WDR43: variants seen among roughly 807,000 people sequenced by gnomAD.
WDR43 encodes WD repeat domain 43.
WDR43 carries 13 observed loss-of-function variants against 91.4 expected under a neutral mutation model. That is an observed-to-expected ratio of 0.14 (90% CI 0.09 to 0.23). WDR43 has a LOEUF of 0.23. Among genes scored for constraint, WDR43 ranks in the 10% least tolerant of loss-of-function variants. The pLI is 1.00. For missense variants in WDR43, 780 were observed against 809.4 expected, an observed-to-expected ratio of 0.96 and a Z score of 0.44; for synonymous variants, 331 against 287.9, an observed-to-expected ratio of 1.15 and a Z score of -1.51.
chr2:28,943,684 G>C (rs1365016752), intron 16 of WDR43, among the ~76,000 whole-genome samples: 2 of 152,152 alleles, frequency 1.3e-5, no homozygotes, highest in Non-Finnish European at 2.9e-5. Flanking sequence ...TATTGATGGT[G>C]TGTATTGTAT....
At chr2:28,913,111 G>T (rs983468482) in intron 4 of WDR43, among the ~76,000 whole-genome samples, 4 of 151,646 alleles carry the variant, frequency 2.6e-5, no homozygotes, top group African/African-American at 9.7e-5. Context: ...CCGCCACCAC[G>T]CGTGGCTAAT....
intron 2 of WDR43, among the ~76,000 whole-genome samples, chr2:28,905,921 A>T (rs557094234): frequency 1.3e-5 from 2 of 152,156 alleles, no homozygotes; most frequent in East Asian, 3.9e-4. Context: ...AGCCTCCCAA[A>T]GTGCTGGGAT....
chr2:28,914,512 C>G (rs1670870532), intron 5 of WDR43, among the ~76,000 whole-genome samples: 1 of 152,204 alleles, frequency 6.6e-6, no homozygotes, highest in Non-Finnish European at 1.5e-5. Context: ...ATATATGGCA[C>G]CACTGGGTTA....
chr2:28,937,121 GT>G (rs1215459543), intron 13 of WDR43, among the ~76,000 whole-genome samples, 168 bp downstream of exon 13: 1 of 152,054 alleles, frequency 6.6e-6, no homozygotes, highest in African/African-American at 2.4e-5. Flanking sequence ...TTTTATTATA[GT>G]TTTCTTTTGC....
rs990389843 is a variant in WDR43, at chr2:28,914,076, C to T, written c.614C>T (p.Thr205Ile). 3 of 1,612,960 alleles carry T rather than the reference C, an allele frequency of 1.9e-6. No homozygotes were observed. Among genetic ancestry groups the T allele is most frequent in the Admixed American group, 3.3e-5 (2 of 59,766 alleles). ...AGATTTAACTTTCTCTAGCATTTCACAGGACATGCAACGCCAGTTTCGTCA... is the reference window on the plus strand; with the variant it reads ...AGATTTAACTTTCTCTAGCATTTCATAGGACATGCAACGCCAGTTTCGTCA... ...LETKEVYRHF[T>I]GHATPVSSLM... Residue 205 changes from threonine (T) to isoleucine (I), a missense_variant, in exon 5 of 18, where the codon ACA becomes ATA. Around this residue, in one of 4 missense-constraint regions of WDR43, gnomAD observed 174 missense variants for 207.3 expected, o/e 0.84. Transcript: ENST00000407426.
At chr2:28,901,673 C>T (rs576811800) in intron 1 of WDR43, among the ~76,000 whole-genome samples, 18 of 152,144 alleles carry the variant, frequency 1.2e-4, no homozygotes, top group East Asian at 3.9e-4. Flanking sequence ...TCAGGAGGGG[C>T]GGCCTGTTTC....
chr2:28,934,687 C>T (rs552674030), intron 11 of WDR43, among the ~76,000 whole-genome samples: 1 of 152,276 alleles, frequency 6.6e-6, no homozygotes, highest in East Asian at 1.9e-4. Context: ...CAGTGCACTC[C>T]AGCCCAGACA....
intron 6 of WDR43, among the ~76,000 whole-genome samples, chr2:28,919,267 A>G (rs6757913): frequency 6.6e-6 from 1 of 151,786 alleles, no homozygotes; most frequent in African/African-American, 2.4e-5. Context: ...GTAAATAAGT[A>G]AATAAATACA....
chr2:28,946,868 C>G lies in WDR43; in HGVS notation c.*89C>G. On this transcript the variant is annotated 3_prime_UTR_variant, in exon 18 of 18. Coordinates refer to ENST00000407426, the MANE Select transcript of WDR43 (RefSeq NM_015131.3). The stretch of plus-strand genomic sequence containing the variant: ...TGCCTCTGTGCCAGGATGCCAAGGA[C>G]CGCTGCACATTTCCAAATTCACAGC... The G allele has an allele frequency of 7.1e-7, 1 of 1,410,762 alleles. No homozygotes were observed. The highest frequency in any genetic ancestry group is 9.3e-7 in the Non-Finnish European group (1 of 1,072,812). 87.4% of individuals were successfully genotyped at this position (1,410,762 alleles called of 1,614,324 possible).
At chr2:28,895,065 A>C in intron 1 of WDR43, 142 bp downstream of exon 1, 1 of 844,204 alleles carries the variant, frequency 1.2e-6, no homozygotes, top group South Asian at 3.8e-5. Flanking sequence ...CGGCGCGTTC[A>C]GGGCCCAAGC....
intron 1 of WDR43, among the ~76,000 whole-genome samples, chr2:28,901,561 T>A (rs6547888): frequency 0.91 from 137,649 of 151,942 alleles, 62,455 homozygotes; most frequent in Non-Finnish European, 0.94. Flanking sequence ...TTAGGAGAGA[T>A]AAAGGAGAGT....
In WDR43 at chr2:28,932,515, C is replaced by T. The variant is rs191052173; in HGVS notation, c.1437+2805C>T. On this transcript the variant is annotated intron_variant, in intron 11 of 17. Coordinates refer to ENST00000407426, the MANE Select transcript of WDR43 (RefSeq NM_015131.3). The stretch of plus-strand genomic sequence containing the variant: ...GAATGGATGTTCTTATAATGTATTA[C>T]CTAGGAGATTATGCATTTATATATT... Among the ~76,000 whole-genome samples, 201 of 152,194 alleles carry T rather than the reference C, an allele frequency of 1.3e-3. 1 individual carries two copies. Among genetic ancestry groups the T allele is most frequent in the Non-Finnish European group, 2.4e-3 (160 of 68,024 alleles).
chr2:28,940,615 T>C (rs1289460917), intron 14 of WDR43, among the ~76,000 whole-genome samples: 1 of 152,244 alleles, frequency 6.6e-6, no homozygotes, highest in East Asian at 1.9e-4. Context: ...AAGAGGCTTG[T>C]TCTGGACTTC....
Position 28,946,707 on chromosome 2 carries a change from A to G in WDR43, c.1962A>G (p.Arg654=). ...EGKDEENGED[R]DTASEKELNG... ...AAGATGAAGAAAATGGCGAGGACAG[A>G]GATACAGCAAGTGAAAAAGAATTAA... Residue 654 remains arginine (R), a synonymous_variant, in exon 18 of 18, where the codon AGA becomes AGG. Coordinates refer to ENST00000407426, the MANE Select transcript of WDR43 (RefSeq NM_015131.3). 1 of 1,581,262 alleles carries G rather than the reference A, an allele frequency of 6.3e-7. No homozygotes were observed. Among genetic ancestry groups the G allele is most frequent in the Non-Finnish European group, 8.6e-7 (1 of 1,163,374 alleles).
At chr2:28,918,600 C>T (rs1449601716) in intron 6 of WDR43, among the ~76,000 whole-genome samples, 1 of 152,022 alleles carries the variant, frequency 6.6e-6, no homozygotes, top group Non-Finnish European at 1.5e-5. Flanking sequence ...AACTCCCCAC[C>T]TCAGGTGATC....
At chr2:28,903,496 G>A (rs1419531645) in intron 2 of WDR43, among the ~76,000 whole-genome samples, 1 of 152,140 alleles carries the variant, frequency 6.6e-6, no homozygotes, top group East Asian at 1.9e-4. Context: ...AGCTAATTTG[G>A]TAGAGGAATA....
rs764602166 is a variant in WDR43 at position 28,925,031 on chromosome 2, C to T, written c.964C>T (p.Pro322Ser). Reference protein sequence around the residue: ...TSNCTIQIATPGKGKKSTPKP... With the variant: ...TSNCTIQIATSGKGKKSTPKP... ...AAACTGCACAATTCAGATAGCAACA[C>T]CTGGGAAAGGCAAGAAGTCAACACC... is the stretch of plus-strand genomic sequence containing the variant. The change falls in exon 8 of 18, where the codon CCT (proline) becomes TCT (serine). Residue 322 changes from proline to serine, a missense_variant. Physicochemically the swap from Pro to Ser is moderately conservative, Grantham distance 74. Coordinates refer to ENST00000407426, the MANE Select transcript of WDR43 (RefSeq NM_015131.3). 1.9e-6 allele frequency: 3 copies of T among 1,613,854 alleles called. No individual in the cohort carries two copies. In the East Asian group the frequency reaches 6.7e-5, roughly 36 times the overall value.
At chr2:28,936,827 A>G in intron 12 of WDR43, 95 bp from the exon 13 acceptor site, 1 of 1,133,324 alleles carries the variant, frequency 8.8e-7, no homozygotes, top group Non-Finnish European at 1.3e-6. Context: ...ACTTATTAGA[A>G]TAATAATTTC....
Position 28,946,607 on chromosome 2 carries a change from G to T in WDR43, c.1862G>T (p.Trp621Leu). Residue 621 changes from tryptophan to leucine, a missense_variant, in exon 18 of 18, where the codon TGG (tryptophan) becomes TTG (leucine). Around this residue, in one of 4 missense-constraint regions of WDR43, gnomAD observed 426 missense variants for 467.8 expected, o/e 0.91. Coordinates refer to ENST00000407426, the MANE Select transcript of WDR43 (RefSeq NM_015131.3). ...EIADKDSEDNWDEDEEESESE... is the reference protein window; with the variant it reads ...EIADKDSEDNLDEDEEESESE... ...TGTTGGTATTTCGACTAGGATAATT[G>T]GGATGAAGATGAGGAGGAGAGTGAA... is the stretch of plus-strand genomic sequence containing the variant. 1 of 1,559,446 alleles carries T rather than the reference G, an allele frequency of 6.4e-7. No homozygotes were observed.
Sources: gnomAD v4.1 joint callset for allele counts (sites outside exome capture counted in the v4.1 genomes callset) on GRCh38, gnomAD v4.1.1 for gene constraint, gnomAD v4.1.1 regional missense constraint, MANE v1.5 for transcripts, NCBI Gene and HGNC (gene_info 2026-07-23, HGNC 2026-07-21) for gene names.